The following USP36 variants were observed in gnomAD, a reference collection of about 807,000 sequenced individuals.
The protein encoded by USP36 is ubiquitin specific peptidase 36, also known as ubiquitin carboxyl-terminal hydrolase 36.
USP36 carries 59 observed loss-of-function variants against 111.5 expected under a neutral mutation model. That is an observed-to-expected ratio of 0.53 (90% CI 0.43 to 0.66). The LOEUF is 0.66. USP36 is among the 30% of genes least tolerant of loss of function. The pLI is 0.00. For synonymous variants in USP36, 628 were observed against 581.0 expected, an observed-to-expected ratio of 1.08 and a Z score of -1.16; for missense variants, 1,488 against 1,468.0, an observed-to-expected ratio of 1.01 and a Z score of -0.22.
rs1034290895 is a variant in USP36 at position 78,795,848 on chromosome 17, G to C, written c.*2052C>G. The C allele has an allele frequency of 6.6e-6, 1 of 152,358 alleles. No individual in the cohort carries two copies. The highest frequency in any genetic ancestry group is 2.4e-5 in the African/African-American group (1 of 41,576). 9.4% of individuals were successfully genotyped at this position (152,358 alleles called of 1,614,324 possible). ...CTGTACACAGGCCCCACTCCCTCCA[G>C]CTCCATTCCCAAGCACAAAATTCAA... is the stretch of plus-strand genomic sequence containing the variant. On this transcript the variant is annotated 3_prime_UTR_variant, in exon 21 of 21. Transcript: ENST00000449938. The surrounding 1 kb of genome is among the most constrained non-coding windows in gnomAD (Gnocchi z 4.5).
chr17:78,836,510 C>G (rs1295928407), intron 2 of USP36, 138 bp from the exon 3 acceptor site: 8 of 1,155,000 alleles, frequency 6.9e-6, no homozygotes, highest in Non-Finnish European at 8.3e-6. Flanking sequence ...CCTGGATCAG[C>G]TGCACAAAGG....
intron 12 of USP36, 44 bp from the exon 13 acceptor site, chr17:78,813,045 T>C: frequency 6.2e-7 from 1 of 1,610,300 alleles, no homozygotes; most frequent in Non-Finnish European, 8.5e-7. Flanking sequence ...TTACTAGGCA[T>C]TACAGAAACG....
At chr17:78,816,215 A>G (rs1043326357) in intron 10 of USP36, among the ~76,000 whole-genome samples, 1 of 151,368 alleles carries the variant, frequency 6.6e-6, no homozygotes, top group Non-Finnish European at 1.5e-5. Context: ...GCTAGAGTGC[A>G]GTGGTACATT....
downstream of USP36, among the ~76,000 whole-genome samples, chr17:78,792,571 G>C (rs1219813327): frequency 2.6e-5 from 4 of 152,278 alleles, no homozygotes; most frequent in East Asian, 1.9e-4. Context: ...TCCCAGACCT[G>C]CTGAATCAGA....
In USP36 at chr17:78,813,863, C is replaced by T. The variant is rs1159194533; in HGVS notation, c.1175G>A (p.Gly392Glu). 1.9e-6 allele frequency: 3 copies of T among 1,614,070 alleles called. No individual in the cohort carries two copies. Among genetic ancestry groups the T allele is most frequent in the Non-Finnish European group, 8.5e-7 (1 of 1,179,994 alleles). Reference sequence around the variant, plus strand: ...GGAATCATTCATCTGGTACCACTGTCCATTGCTTGCCTGAAGCAGCCAAGG... The same window carrying T: ...GGAATCATTCATCTGGTACCACTGTTCATTGCTTGCCTGAAGCAGCCAAGG... ...HYYCYVKASN[G>E]QWYQMNDSLV... is the part of the protein sequence containing the mutation. Residue 392 changes from glycine to glutamate, a missense_variant, in exon 12 of 21, where the codon GGA (glycine) becomes GAA (glutamate). Gly to Glu is a moderately conservative substitution (Grantham distance 98). Transcript: ENST00000449938.
intron 9 of USP36, 42 bp from the exon 10 acceptor site, chr17:78,818,820 C>T (rs376324286): frequency 6.9e-5 from 111 of 1,602,898 alleles, no homozygotes; most frequent in South Asian, 1.9e-4. Context: ...ATGATTGATT[C>T]GTGCTCTGAA....
chr17:78,797,227 GC>G lies in USP36; in HGVS notation c.*672del, dbSNP rs2093642499. 3 of 152,182 alleles carry G rather than the reference GC, an allele frequency of 2.0e-5. No individual in the cohort carries two copies. Among genetic ancestry groups the G allele is most frequent in the Admixed American group, 2.0e-4 (3 of 15,278 alleles). 9.4% of individuals were successfully genotyped at this position (152,182 alleles called of 1,614,324 possible). ...AGCAGCCTGGAAAGCAGATGTATTC[GC>G]AGGTATCGAGGGCTCCTCCGACCCC... On this transcript the variant is annotated 3_prime_UTR_variant, in exon 21 of 21. Coordinates refer to ENST00000449938, the MANE Select transcript of USP36 (RefSeq NM_001385174.1).
chr17:78,812,696 CG>C (rs1682632044), intron 13 of USP36, among the ~76,000 whole-genome samples, 163 bp downstream of exon 13: 1 of 88,026 alleles, frequency 1.1e-5, no homozygotes, highest in East Asian at 2.9e-4. Context: ...GACTCTGTCT[CG>C]AAAAAAAAAA....
chr17:78,839,647 T>C (rs915928338), intron 1 of USP36, among the ~76,000 whole-genome samples: 1 of 152,214 alleles, frequency 6.6e-6, no homozygotes, highest in African/African-American at 2.4e-5. Flanking sequence ...CTCCTTAATG[T>C]AGATGCAGAG....
At chr17:78,814,674 C>T (rs945166246) in intron 10 of USP36, 122 bp from the exon 11 acceptor site, 15 of 1,251,760 alleles carry the variant, frequency 1.2e-5, no homozygotes, top group African/African-American at 3.0e-5. Context: ...ATTTGGGGGC[C>T]GGGCACAGTG....
At chr17:78,818,586 C>T (rs889141310) in intron 10 of USP36, 81 bp downstream of exon 10, 60 of 1,257,376 alleles carry the variant, frequency 4.8e-5, no homozygotes, top group South Asian at 2.2e-4. Context: ...CTATCAAACT[C>T]GTGGCTATCA....
At position 78,803,354 on chromosome 17, in the gene USP36, T is replaced by C; in HGVS notation, c.2810+31A>G. On this transcript the variant is annotated intron_variant, in intron 16 of 20. Transcript: ENST00000449938. This position sits in a 1 kb window ranked among gnomAD's most constrained non-coding sequence, Gnocchi z 4.6. ...GTTTTGCTTTGTTTCTCGTCAGAGG[T>C]AGACAGATGCCACTTTGCTCCTGCC... 6.3e-7 allele frequency: 1 copy of C among 1,594,540 alleles called. No individual in the cohort carries two copies. Among genetic ancestry groups the C allele is most frequent in the Non-Finnish European group, 8.6e-7 (1 of 1,166,970 alleles).
At chr17:78,826,959 T>C (rs2067600320) in intron 6 of USP36, 1 of 605,300 alleles carries the variant, frequency 1.7e-6, no homozygotes, top group African/African-American at 1.8e-5. Context: ...TATTTCCCCC[T>C]GACTGAGCTG....
chr17:78,822,466 G>T (rs1163829367), intron 6 of USP36, among the ~76,000 whole-genome samples: 4 of 148,894 alleles, frequency 2.7e-5, no homozygotes, highest in Non-Finnish European at 3.0e-5. Flanking sequence ...AATCTGGGAA[G>T]AGGGGTGGGG....
At chr17:78,840,103 C>T (rs895644120) in intron 1 of USP36, among the ~76,000 whole-genome samples, 1 of 152,182 alleles carries the variant, frequency 6.6e-6, no homozygotes, top group Admixed American at 6.5e-5. Context: ...CCGAGCCCGG[C>T]CGCGGACACA....
In USP36 at chr17:78,807,192, AGTGCTCT is replaced by A. The variant is rs763515271; in HGVS notation, c.1845_1851del (p.Glu616ArgfsTer46). On this transcript the variant is annotated frameshift_variant, in exon 14 of 21. Coordinates refer to ENST00000449938, the MANE Select transcript of USP36 (RefSeq NM_001385174.1). LOFTEE classifies it high-confidence loss of function. ...GCCTTGGTGGAGTCGCTGCTGGCCG[AGTGCTCT>A]GGGCTGGAGCTGCTGGAGCCCCTCC... 1 of 1,614,018 alleles carries A rather than the reference AGTGCTCT, an allele frequency of 6.2e-7. No homozygotes were observed. The highest frequency in any genetic ancestry group is 8.5e-7 in the Non-Finnish European group (1 of 1,179,980).
Position 78,797,631 on chromosome 17 carries a change from G to C in USP36, c.*269C>G, listed in dbSNP as rs2093648708. Reference sequence around the variant, plus strand: ...TGAGAAGGCACAGCCTGGCAAAGATGTCCAGCAGGTGTGCGGCCACCTCTG... The same window carrying C: ...TGAGAAGGCACAGCCTGGCAAAGATCTCCAGCAGGTGTGCGGCCACCTCTG... On this transcript the variant is annotated 3_prime_UTR_variant, in exon 21 of 21. Coordinates refer to ENST00000449938, the MANE Select transcript of USP36 (RefSeq NM_001385174.1). 1 of 152,356 alleles carries C rather than the reference G, an allele frequency of 6.6e-6. No homozygotes were observed. The highest frequency in any genetic ancestry group is 2.1e-4 in the South Asian group (1 of 4,836). 9.4% of individuals were successfully genotyped at this position (152,356 alleles called of 1,614,324 possible).
At chr17:78,793,833 C>T (rs537342050), downstream of USP36, among the ~76,000 whole-genome samples, 2 of 152,244 alleles carry the variant, frequency 1.3e-5, no homozygotes, top group East Asian at 3.9e-4. Context: ...GACACCTGGG[C>T]TTTTTCCTAA....
At chr17:78,838,371 C>CAAAAAAAA (rs1195525371) in intron 2 of USP36, among the ~76,000 whole-genome samples, 44 of 58,268 alleles carry the variant, frequency 7.6e-4, no homozygotes, top group African/African-American at 9.8e-4. Context: ...GACTTGGTCT[C>CAAAAAAAA]AAAAAAAAAA....
Sources: allele counts gnomAD v4.1 joint callset (sites outside exome capture counted in the v4.1 genomes callset), GRCh38; gene constraint gnomAD v4.1.1; non-coding constraint Gnocchi (gnomAD v3.1); transcripts MANE v1.5; gene names NCBI Gene and HGNC (gene_info 2026-07-23, HGNC 2026-07-21).